The following DEPTOR variants were observed in gnomAD, a reference collection of about 807,000 sequenced individuals.
DEPTOR encodes DEP domain containing MTOR interacting protein.
A neutral mutation model predicts 41.6 loss-of-function variants in DEPTOR; 41 were observed. The observed-to-expected ratio is 0.98, with a 90% CI of 0.77 to 1.28. The LOEUF is 1.28. Ranked by LOEUF, DEPTOR falls within the 50% of genes most tolerant of loss-of-function variation. The pLI is 0.00. For synonymous variants in DEPTOR, 195 were observed against 192.3 expected, an observed-to-expected ratio of 1.01 and a Z score of -0.12; for missense variants, 514 against 527.9, an observed-to-expected ratio of 0.97 and a Z score of 0.26.
intron 6 of DEPTOR, among the ~76,000 whole-genome samples, chr8:120,003,737 C>A (rs567643572): frequency 5.9e-5 from 9 of 152,300 alleles, no homozygotes; most frequent in Non-Finnish European, 8.8e-5. Context: ...TGCTCATCAA[C>A]CTCCATGGCC....
intron 3 of DEPTOR, among the ~76,000 whole-genome samples, chr8:119,941,163 C>T (rs1006989797): frequency 1.3e-5 from 2 of 151,888 alleles, no homozygotes; most frequent in African/African-American, 4.8e-5. Context: ...CACCTGAGGT[C>T]AGGAATTCAA....
chr8:119,993,580 T>A (rs1454573150), intron 4 of DEPTOR, among the ~76,000 whole-genome samples: 1 of 152,212 alleles, frequency 6.6e-6, no homozygotes, highest in Non-Finnish European at 1.5e-5. Context: ...TGTTTACAGA[T>A]AAATAGTTCC....
intron 8 of DEPTOR, among the ~76,000 whole-genome samples, chr8:120,019,300 C>T (rs558562951): frequency 1.3e-5 from 2 of 152,098 alleles, no homozygotes; most frequent in East Asian, 1.9e-4. Flanking sequence ...GTGAGACTCT[C>T]TCAAAAATAA....
chr8:119,900,916 C>A (rs905535639), intron 1 of DEPTOR, among the ~76,000 whole-genome samples: 2 of 152,152 alleles, frequency 1.3e-5, no homozygotes, highest in African/African-American at 4.8e-5. Context: ...AGCATCTTCA[C>A]TCTTCTAGGC....
chr8:120,035,173 A>G (rs1000022216), intron 8 of DEPTOR, among the ~76,000 whole-genome samples: 42 of 152,024 alleles, frequency 2.8e-4, no homozygotes, highest in African/African-American at 9.7e-4. Context: ...CAAAAAAATT[A>G]GCCAGCCATG....
chr8:120,013,934 G>T (rs574765461), intron 8 of DEPTOR, among the ~76,000 whole-genome samples: 2 of 151,936 alleles, frequency 1.3e-5, no homozygotes, highest in African/African-American at 4.8e-5. Flanking sequence ...CCACATCCTG[G>T]GTTCAAGCGA....
chr8:120,035,623 C>T (rs1359981175), intron 8 of DEPTOR, among the ~76,000 whole-genome samples: 1 of 152,142 alleles, frequency 6.6e-6, no homozygotes, highest in Non-Finnish European at 1.5e-5. Flanking sequence ...CCTCCGCCTC[C>T]CGGGTTCAAG....
Position 120,003,039 on chromosome 8 carries a change from GGCAGCAGCGGCTACTTCA to G in DEPTOR, c.862_879del (p.Gly288_Ser293del). 1 of 1,609,672 alleles carries G rather than the reference GGCAGCAGCGGCTACTTCA, an allele frequency of 6.2e-7. No individual in the cohort carries two copies. Among genetic ancestry groups the G allele is most frequent in the Non-Finnish European group, 8.5e-7 (1 of 1,178,648 alleles). ...GAGGAGAAGCAGCATGAGCAGCTGT[GGCAGCAGCGGCTACTTCA>G]GCAGCAGCCCCACCCTCAGCAGCAG... is the stretch of plus-strand genomic sequence containing the variant. On this transcript the variant is annotated inframe_deletion, in exon 6 of 9. Coordinates refer to ENST00000286234, the MANE Select transcript of DEPTOR (RefSeq NM_022783.4).
intron 3 of DEPTOR, among the ~76,000 whole-genome samples, chr8:119,935,310 A>G (rs1338926689): frequency 1.3e-5 from 2 of 152,242 alleles, no homozygotes; most frequent in Non-Finnish European, 2.9e-5. Context: ...TAAGCAGGAT[A>G]GTACTCATAA....
Position 120,017,356 on chromosome 8 carries a change from T to G in DEPTOR, c.1101+8223T>G, listed in dbSNP as rs182856617. 1.3e-3 allele frequency among the ~76,000 whole-genome samples: 197 copies of G among 152,180 alleles called. 2 individuals carry two copies. Among genetic ancestry groups the G allele is most frequent in the African/African-American group, 4.3e-3 (180 of 41,544 alleles). The stretch of plus-strand genomic sequence containing the variant: ...GAGTTAGATTCAAATCTGATTTATC[T>G]CCCCCAACACCCACATGCTTCCTAT... On this transcript the variant is annotated intron_variant, in intron 8 of 8. Transcript: ENST00000286234.
intron 1 of DEPTOR, among the ~76,000 whole-genome samples, chr8:119,926,508 G>T (rs2129841539): frequency 6.6e-6 from 1 of 152,198 alleles, no homozygotes; most frequent in South Asian, 2.1e-4. Context: ...ATAATAAATT[G>T]TTTTTTTAAA....
At chr8:120,006,942 T>C (rs1812448509) in intron 7 of DEPTOR, 67 bp downstream of exon 7, 1 of 1,454,242 alleles carries the variant, frequency 6.9e-7, no homozygotes, top group Non-Finnish European at 9.7e-7. Flanking sequence ...CATGTGTCAA[T>C]GGGTAGCTTA....
Position 119,929,978 on chromosome 8 carries a change from T to C in DEPTOR, c.425+40T>C, listed in dbSNP as rs374517754. 16 of 1,591,174 alleles carry C rather than the reference T, an allele frequency of 1.0e-5. No individual in the cohort carries two copies. In the East Asian group the frequency reaches 1.8e-4, roughly 18 times the overall value. Reference sequence around the variant, plus strand: ...AAATCCCCCCTGTAATCTTGACTTATAGAAAGAAGCAGAACTGTGCCAGTC... The same window carrying C: ...AAATCCCCCCTGTAATCTTGACTTACAGAAAGAAGCAGAACTGTGCCAGTC... On this transcript the variant is annotated intron_variant, in intron 3 of 8. Transcript: ENST00000286234.
At chr8:120,030,497 G>GTTTGTTTTTTTTTTTTTTTTTTT (rs1207108457) in intron 8 of DEPTOR, among the ~76,000 whole-genome samples, 5 of 46,216 alleles carry the variant, frequency 1.1e-4, no homozygotes, top group Admixed American at 7.7e-4. Context: ...AGGTTCATCA[G>GTTTGTTTTTTTTTTTTTTTTTTT]TTTTTTTTTT....
intron 1 of DEPTOR, among the ~76,000 whole-genome samples, chr8:119,924,327 T>C (rs1827936703): frequency 6.6e-6 from 1 of 152,108 alleles, no homozygotes; most frequent in South Asian, 2.1e-4. Flanking sequence ...TAGTTCTTCA[T>C]CTCCTTCATT....
At chr8:119,966,051 G>C (rs1828554339) in intron 4 of DEPTOR, among the ~76,000 whole-genome samples, 1 of 152,174 alleles carries the variant, frequency 6.6e-6, no homozygotes, top group Non-Finnish European at 1.5e-5. Context: ...CACACACACA[G>C]ACATTTTTTC....
intron 1 of DEPTOR, among the ~76,000 whole-genome samples, chr8:119,876,610 C>A (rs1316735699): frequency 1.3e-5 from 2 of 151,364 alleles, no homozygotes; most frequent in Non-Finnish European, 2.9e-5. Flanking sequence ...TGCACTCCAG[C>A]CTGGGCAACA....
intron 1 of DEPTOR, among the ~76,000 whole-genome samples, chr8:119,892,274 C>T (rs1354560678): frequency 1.3e-5 from 2 of 152,200 alleles, no homozygotes; most frequent in African/African-American, 4.8e-5. Context: ...GCTGGGATTA[C>T]AGGCATGAGC....
intron 3 of DEPTOR, 85 bp downstream of exon 3, chr8:119,930,023 G>T (rs538456841): frequency 2.7e-6 from 4 of 1,470,120 alleles, no homozygotes; most frequent in Non-Finnish European, 3.6e-6. Flanking sequence ...TGATTTCAGC[G>T]TGGCTTTTCT....
Sources: gnomAD v4.1 joint callset for allele counts (sites outside exome capture counted in the v4.1 genomes callset) on GRCh38, gnomAD v4.1.1 for gene constraint, MANE v1.5 for transcripts, NCBI Gene and HGNC (gene_info 2026-07-23, HGNC 2026-07-21) for gene names.